RHOU: variants seen among roughly 807,000 people sequenced by gnomAD.
RHOU encodes the protein ras homolog family member U.
A neutral mutation model predicts 12.6 loss-of-function variants in RHOU; 8 were observed. The ratio of observed to expected loss-of-function variants is 0.64; its 90% confidence interval spans 0.37 to 1.15. RHOU has a LOEUF of 1.15. Among genes scored for constraint, RHOU ranks in the 50% most tolerant of loss-of-function variants. RHOU has a pLI of 0.01. For missense variants in RHOU, 258 were observed against 347.0 expected (o/e 0.74, Z 2.04); for synonymous variants, 161 against 147.4 (o/e 1.09, Z -0.67).
At chr1:228,727,801 A>G in the RHOU span, among the ~76,000 whole-genome samples, 4 of 152,192 alleles carry the variant, frequency 2.6e-5, no homozygotes, top group East Asian at 7.7e-4. Context: ...TGGTTGAGAA[A>G]TGATTACATG....
intron 2 of RHOU, among the ~76,000 whole-genome samples, chr1:228,740,260 T>A (rs1371117913): frequency 6.6e-6 from 1 of 152,224 alleles, no homozygotes; most frequent in Admixed American, 6.5e-5. Context: ...TTCAGTTTAT[T>A]TGAAAATTAT....
chr1:228,743,814 C>CT lies in RHOU; in HGVS notation c.*78dup, dbSNP rs1662773543. On this transcript the variant is annotated 3_prime_UTR_variant, in exon 3 of 3. Transcript: ENST00000366691. This position sits in a 1 kb window ranked among gnomAD's most constrained non-coding sequence, Gnocchi z 5.1. ...GAAGCTATATTAGCTGAAACAACTC[C>CT]TTTTACTGCGTAGAACCTATATCGA... 1.6e-6 allele frequency: 2 copies of CT among 1,281,652 alleles called. No individual in the cohort carries two copies. The highest frequency in any genetic ancestry group is 2.2e-6 in the Non-Finnish European group (2 of 915,262). The allele number at this position is 1,281,652 out of a possible 1,614,324, so 79.4% of individuals were successfully genotyped here.
At chr1:228,710,168 A>G in the RHOU span, among the ~76,000 whole-genome samples, 1 of 152,220 alleles carries the variant, frequency 6.6e-6, no homozygotes, top group African/African-American at 2.4e-5. Flanking sequence ...GCAATAATCA[A>G]TAGCTTACCA....
the RHOU span, among the ~76,000 whole-genome samples, chr1:228,714,669 T>C: frequency 6.6e-6 from 1 of 151,970 alleles, no homozygotes; most frequent in Non-Finnish European, 1.5e-5. Flanking sequence ...TTATTTCTTA[T>C]TTTGTATTTT....
chr1:228,684,560 C>T, the RHOU span, among the ~76,000 whole-genome samples: 14 of 152,276 alleles, frequency 9.2e-5, no homozygotes, highest in South Asian at 4.1e-4. Context: ...AACTCCTGGG[C>T]TCAAGTGATC....
the RHOU span, among the ~76,000 whole-genome samples, chr1:228,662,507 A>C: frequency 6.6e-6 from 1 of 152,192 alleles, no homozygotes; most frequent in African/African-American, 2.4e-5. Flanking sequence ...TGCCACAAAA[A>C]AGGATGAGTT....
the RHOU span, among the ~76,000 whole-genome samples, chr1:228,707,123 T>TA: frequency 1.2e-5 from 1 of 81,170 alleles, no homozygotes; most frequent in African/African-American, 1.3e-4. Context: ...TATATATATA[T>TA]ATACATATAT....
chr1:228,697,365 G>C, the RHOU span, among the ~76,000 whole-genome samples: 10 of 152,182 alleles, frequency 6.6e-5, no homozygotes, highest in South Asian at 2.1e-4. Context: ...CAAGCACAGA[G>C]ACCCAGAGGA....
the RHOU span, among the ~76,000 whole-genome samples, chr1:228,649,024 C>T: frequency 1.3e-5 from 2 of 152,126 alleles, no homozygotes; most frequent in Admixed American, 6.5e-5. Context: ...CCAACCTCGC[C>T]TGGCTAGTTT....
At chr1:228,670,592 G>A in the RHOU span, among the ~76,000 whole-genome samples, 1 of 152,170 alleles carries the variant, frequency 6.6e-6, no homozygotes, top group Non-Finnish European at 1.5e-5. Context: ...CATTCTTCTG[G>A]AACGTTCTAT....
chr1:228,648,436 T>G, the RHOU span, among the ~76,000 whole-genome samples: 15 of 152,354 alleles, frequency 9.8e-5, no homozygotes, highest in Non-Finnish European at 2.1e-4. Context: ...TGGTGTGCTC[T>G]GAGGTGTCAA....
chr1:228,680,698 T>C, the RHOU span, among the ~76,000 whole-genome samples: 2 of 152,224 alleles, frequency 1.3e-5, no homozygotes, highest in Admixed American at 1.3e-4. Context: ...GGTGACCTTC[T>C]GGTCCCTCTG....
the RHOU span, among the ~76,000 whole-genome samples, chr1:228,692,980 C>G: frequency 6.6e-6 from 1 of 152,090 alleles, no homozygotes; most frequent in Non-Finnish European, 1.5e-5. Context: ...GGGACACCCA[C>G]CATACACACT....
chr1:228,740,312 AT>A (rs1662694275), intron 2 of RHOU, among the ~76,000 whole-genome samples: 1 of 152,182 alleles, frequency 6.6e-6, no homozygotes, highest in Non-Finnish European at 1.5e-5. Flanking sequence ...GATTTACTGT[AT>A]TTCTTAACCT....
At chr1:228,686,514 A>C in the RHOU span, among the ~76,000 whole-genome samples, 5 of 152,166 alleles carry the variant, frequency 3.3e-5, no homozygotes, top group South Asian at 1.0e-3. Context: ...TCTGAATTTC[A>C]GTTTCAGAAA....
intron 2 of RHOU, among the ~76,000 whole-genome samples, chr1:228,741,284 A>G (rs991142815): frequency 6.6e-6 from 1 of 152,110 alleles, no homozygotes; most frequent in African/African-American, 2.4e-5. Context: ...GCACGTGTGT[A>G]TTGCATTATT....
chr1:228,707,105 C>CATATAT, the RHOU span, among the ~76,000 whole-genome samples: 375 of 70,714 alleles, frequency 5.3e-3, 8 homozygotes, highest in Non-Finnish European at 7.4e-3. Flanking sequence ...TATATACATA[C>CATATAT]ATATATATAT....
At chr1:228,734,924 G>C (rs907363656), upstream of RHOU, among the ~76,000 whole-genome samples, 1 of 151,658 alleles carries the variant, frequency 6.6e-6, no homozygotes, top group Non-Finnish European at 1.5e-5. Context: ...TCACAATGGA[G>C]CTGGCATCCT....
the RHOU span, among the ~76,000 whole-genome samples, chr1:228,657,990 G>A: frequency 6.6e-6 from 1 of 152,108 alleles, no homozygotes; most frequent in Non-Finnish European, 1.5e-5. Context: ...GTGTTAAGAG[G>A]TGGACAGTGG....
Sources: allele counts gnomAD v4.1 joint callset (sites outside exome capture counted in the v4.1 genomes callset), GRCh38; gene constraint gnomAD v4.1.1; non-coding constraint Gnocchi (gnomAD v3.1); transcripts MANE v1.5; gene names NCBI Gene and HGNC (gene_info 2026-07-23, HGNC 2026-07-21).